LEPROT: variants seen among roughly 807,000 people sequenced by gnomAD.
The protein encoded by LEPROT is leptin receptor gene-related protein.
In LEPROT, 3 loss-of-function variants were observed where a neutral mutation model predicts 15.4. The ratio of observed to expected loss-of-function variants is 0.19; its 90% CI spans 0.09 to 0.50. The LOEUF is 0.50. Among genes scored for constraint, LEPROT ranks in the 20% least tolerant of loss-of-function variants. The pLI is 0.97. For missense variants in LEPROT, 137 were observed against 162.2 expected (o/e 0.84, Z 0.84); for synonymous variants, 59 against 57.5 (o/e 1.03, Z -0.12).
chr1:65,435,168 C>G lies in LEPROT; in HGVS notation c.*3249C>G. 2 of 985,330 alleles carry G rather than the reference C, an allele frequency of 2.0e-6. No individual in the cohort carries two copies. Among genetic ancestry groups the G allele is most frequent in the South Asian group, 4.7e-5 (1 of 21,280 alleles). The allele number at this position is 985,330 out of a possible 1,614,324, so 61.0% of individuals were successfully genotyped here. On this transcript the variant is annotated 3_prime_UTR_variant, in exon 4 of 4. Transcript: ENST00000371065. ...TCCTCAGGAGGAGTTCTGAGCTGGT[C>G]CTGCTTTTCATAGTTGTTTCTTTTC...
Position 65,432,755 on chromosome 1 carries a change from C to A in LEPROT, c.*836C>A. Reference sequence around the variant, plus strand: ...TTTTAAAGATCACTTGCACAGCATGCTAAATATAGGAATAATTGAATGTAT... The same window carrying A: ...TTTTAAAGATCACTTGCACAGCATGATAAATATAGGAATAATTGAATGTAT... On this transcript the variant is annotated 3_prime_UTR_variant, in exon 4 of 4. Transcript: ENST00000371065. The A allele has an allele frequency of 1.8e-6, 1 of 552,484 alleles. No homozygotes were observed. The highest frequency in any genetic ancestry group is 2.3e-6 in the Non-Finnish European group (1 of 435,058). 34.2% of individuals were successfully genotyped at this position (552,484 alleles called of 1,614,324 possible). A position where few individuals can be genotyped will look rare whatever the true frequency, so the allele number is the denominator to read the frequency against.
chr1:65,427,075 C>A (rs1453974486), intron 2 of LEPROT, among the ~76,000 whole-genome samples: 1 of 151,978 alleles, frequency 6.6e-6, no homozygotes, highest in East Asian at 1.9e-4. Context: ...AATTCAAATC[C>A]ATCACCGCAG....
intron 2 of LEPROT, 112 bp from the exon 3 acceptor site, chr1:65,429,749 AT>A (rs757996664): frequency 6.5e-6 from 6 of 926,392 alleles, no homozygotes; most frequent in Non-Finnish European, 9.3e-6. Context: ...CAATTAATTA[AT>A]TTTTTGACCT....
Position 65,434,658 on chromosome 1 carries a change from C to T in LEPROT, c.*2739C>T, listed in dbSNP as rs913409939. ...GGAAGGACAGTGCAACTTTCCACCCCTTTTCCTAAGAACAAGGTCTTTCTC... is the reference window on the plus strand; with the variant it reads ...GGAAGGACAGTGCAACTTTCCACCCTTTTTCCTAAGAACAAGGTCTTTCTC... On this transcript the variant is annotated 3_prime_UTR_variant, in exon 4 of 4. Coordinates refer to ENST00000371065, the MANE Select transcript of LEPROT (RefSeq NM_017526.5). 2 of 985,420 alleles carry T rather than the reference C, an allele frequency of 2.0e-6. No individual in the cohort carries two copies. The highest frequency in any genetic ancestry group is 2.4e-6 in the Non-Finnish European group (2 of 829,948). The allele number at this position is 985,420 out of a possible 1,614,324, so 61.0% of individuals were successfully genotyped here. A position where few individuals can be genotyped will look rare whatever the true frequency, so the allele number is the denominator to read the frequency against.
In LEPROT at chr1:65,432,456, A is replaced by C; in HGVS notation, c.*537A>C. ...TGAGATCCAAAGGAGTTGTATGCAC[A>C]TGAAAGTTTGAGAAGCATCATCATA... On this transcript the variant is annotated 3_prime_UTR_variant, in exon 4 of 4. Transcript: ENST00000371065. The C allele has an allele frequency of 9.5e-6, 6 of 633,178 alleles. No individual in the cohort carries two copies. The highest frequency in any genetic ancestry group is 1.2e-5 in the Non-Finnish European group (6 of 507,982). 39.2% of individuals were successfully genotyped at this position (633,178 alleles called of 1,614,324 possible).
intron 3 of LEPROT, 113 bp from the exon 4 acceptor site, chr1:65,431,690 A>G (rs1465721696): frequency 8.3e-6 from 9 of 1,087,398 alleles, no homozygotes; most frequent in Non-Finnish European, 1.1e-5. Flanking sequence ...TAAGCCTTTT[A>G]GCAGCTTTGT....
Position 65,432,167 on chromosome 1 carries a change from T to C in LEPROT, c.*248T>C. The C allele has an allele frequency of 8.8e-7, 1 of 1,141,752 alleles. No individual in the cohort carries two copies. Among genetic ancestry groups the C allele is most frequent in the Non-Finnish European group, 1.1e-6 (1 of 927,944 alleles). The allele number at this position is 1,141,752 out of a possible 1,614,324, so 70.7% of individuals were successfully genotyped here. A position where few individuals can be genotyped will look rare whatever the true frequency, so the allele number is the denominator to read the frequency against. ...TTGGCTGTTCATGTAGTCACGGTGCTCTCAGAAAATATATTAACGCAGTCT... is the reference window on the plus strand; with the variant it reads ...TTGGCTGTTCATGTAGTCACGGTGCCCTCAGAAAATATATTAACGCAGTCT... On this transcript the variant is annotated 3_prime_UTR_variant, in exon 4 of 4. Coordinates refer to ENST00000371065, the MANE Select transcript of LEPROT (RefSeq NM_017526.5).
At chr1:65,421,173 C>A (rs1240816051) in intron 1 of LEPROT, among the ~76,000 whole-genome samples, 1 of 152,238 alleles carries the variant, frequency 6.6e-6, no homozygotes, top group East Asian at 1.9e-4. Flanking sequence ...ACTTAATCCT[C>A]TTTTTCCTAA....
rs1646544053 is a variant in LEPROT at position 65,435,341 on chromosome 1, T to C, written c.*3422T>C. On this transcript the variant is annotated 3_prime_UTR_variant, in exon 4 of 4. Coordinates refer to ENST00000371065, the MANE Select transcript of LEPROT (RefSeq NM_017526.5). ...TGTTCTCAGGGAAATGCTTAGGTGGTGTCACAAAATGTGCCTTTTCTTTTC... is the reference window on the plus strand; with the variant it reads ...TGTTCTCAGGGAAATGCTTAGGTGGCGTCACAAAATGTGCCTTTTCTTTTC... The C allele has an allele frequency of 1.0e-6, 1 of 978,348 alleles. No homozygotes were observed. Among genetic ancestry groups the C allele is most frequent in the Non-Finnish European group, 1.2e-6 (1 of 824,080 alleles). The allele number at this position is 978,348 out of a possible 1,614,324, so 60.6% of individuals were successfully genotyped here. A position where few individuals can be genotyped will look rare whatever the true frequency, so the allele number is the denominator to read the frequency against.
At chr1:65,427,021 G>A (rs1188558516) in intron 2 of LEPROT, among the ~76,000 whole-genome samples, 1 of 151,244 alleles carries the variant, frequency 6.6e-6, no homozygotes, top group Non-Finnish European at 1.5e-5. Context: ...AGATGATGAT[G>A]ATGTGGTTAA....
intron 2 of LEPROT, among the ~76,000 whole-genome samples, chr1:65,426,009 C>T (rs529771023): frequency 1.9e-4 from 29 of 152,250 alleles, no homozygotes; most frequent in African/African-American, 6.0e-4. Context: ...GTTTGTGTTT[C>T]AGTGGGGGAG....
In LEPROT at chr1:65,433,037, C is replaced by G; in HGVS notation, c.*1118C>G. Reference sequence around the variant, plus strand: ...CTGAAAGACAATGCTGGGGGAAGAGCTCCACTGAGATGCGGGCAGGGAGGC... The same window carrying G: ...CTGAAAGACAATGCTGGGGGAAGAGGTCCACTGAGATGCGGGCAGGGAGGC... On this transcript the variant is annotated 3_prime_UTR_variant, in exon 4 of 4. Coordinates refer to ENST00000371065, the MANE Select transcript of LEPROT (RefSeq NM_017526.5). 1 of 985,336 alleles carries G rather than the reference C, an allele frequency of 1.0e-6. No homozygotes were observed. The highest frequency in any genetic ancestry group is 1.2e-6 in the Non-Finnish European group (1 of 829,840). The allele number at this position is 985,336 out of a possible 1,614,324, so 61.0% of individuals were successfully genotyped here.
At position 65,432,161 on chromosome 1, in the gene LEPROT, C is replaced by T. The variant is rs1342300506; in HGVS notation, c.*242C>T. ...ACTTGTTTGGCTGTTCATGTAGTCA[C>T]GGTGCTCTCAGAAAATATATTAACG... is the stretch of plus-strand genomic sequence containing the variant. On this transcript the variant is annotated 3_prime_UTR_variant, in exon 4 of 4. Coordinates refer to ENST00000371065, the MANE Select transcript of LEPROT (RefSeq NM_017526.5). The T allele has an allele frequency of 6.1e-6, 7 of 1,153,020 alleles. No homozygotes were observed. Among genetic ancestry groups the T allele is most frequent in the Non-Finnish European group, 7.5e-6 (7 of 935,306 alleles). 71.4% of individuals were successfully genotyped at this position (1,153,020 alleles called of 1,614,324 possible). A position where few individuals can be genotyped will look rare whatever the true frequency, so the allele number is the denominator to read the frequency against.
chr1:65,428,962 A>G (rs930011120), intron 2 of LEPROT, among the ~76,000 whole-genome samples: 7 of 152,254 alleles, frequency 4.6e-5, no homozygotes, highest in Middle Eastern at 3.4e-3. Context: ...ACTAGTGAGC[A>G]TATTTATTTT....
intron 2 of LEPROT, among the ~76,000 whole-genome samples, chr1:65,429,651 A>G (rs1391028414): frequency 1.3e-5 from 2 of 152,210 alleles, no homozygotes; most frequent in Non-Finnish European, 2.9e-5. Context: ...GTGGCTTCTT[A>G]ACACAATATA....
chr1:65,429,036 A>G (rs1261129332), intron 2 of LEPROT, among the ~76,000 whole-genome samples: 1 of 152,204 alleles, frequency 6.6e-6, no homozygotes, highest in African/African-American at 2.4e-5. Flanking sequence ...AATGGAGTAC[A>G]TCATTCTAGG....
At chr1:65,430,183 C>G (rs144393933) in intron 3 of LEPROT, 135 bp downstream of exon 3, 9 of 708,786 alleles carry the variant, frequency 1.3e-5, no homozygotes, top group African/African-American at 7.2e-5. Flanking sequence ...CTCTGTTCCT[C>G]TACTTTAGAC....
At chr1:65,424,549 A>AT (rs34196872) in intron 1 of LEPROT, among the ~76,000 whole-genome samples, 70,967 of 151,774 alleles carry the variant, frequency 0.47, 17,055 homozygotes, top group East Asian at 0.86. Context: ...ATACTTTATG[A>AT]TTTCAAGGTG....
At chr1:65,429,323 A>C (rs560369335) in intron 2 of LEPROT, among the ~76,000 whole-genome samples, 2 of 152,200 alleles carry the variant, frequency 1.3e-5, no homozygotes, top group South Asian at 2.1e-4. Context: ...AAGAGTGTTC[A>C]AGGGACAGAA....
Sources: allele counts gnomAD v4.1 joint callset (sites outside exome capture counted in the v4.1 genomes callset), GRCh38; gene constraint gnomAD v4.1.1; transcripts MANE v1.5; gene names NCBI Gene and HGNC (gene_info 2026-07-23, HGNC 2026-07-21).